SKA2: variants seen among roughly 807,000 people sequenced by gnomAD.
SKA2 encodes the protein spindle and kinetochore associated complex subunit 2, also known as spindle and kinetochore-associated protein 2.
SKA2 carries 13 observed loss-of-function variants against 16.9 expected under a neutral mutation model. That is an observed-to-expected ratio of 0.77 (90% CI 0.50 to 1.22). The LOEUF is 1.22. Ranked by LOEUF, SKA2 falls within the 50% of genes most tolerant of loss-of-function variation. The probability of loss-of-function intolerance (pLI) is 0.00; values close to 1 mark genes in which losing one functional copy is unlikely to be tolerated. For missense variants in SKA2, 107 were observed against 139.7 expected, an observed-to-expected ratio of 0.77 and a Z score of 1.18; for synonymous variants, 47 against 48.5, an observed-to-expected ratio of 0.97 and a Z score of 0.13.
intron 1 of SKA2, among the ~76,000 whole-genome samples, chr17:59,140,154 TG>T (rs1180360265): frequency 6.6e-6 from 1 of 151,880 alleles, no homozygotes; most frequent in Non-Finnish European, 1.5e-5. Flanking sequence ...GTCACAGACA[TG>T]TTATTTCAGG....
chr17:59,127,385 A>ATTTCTTTTCT (rs576003827), intron 2 of SKA2, among the ~76,000 whole-genome samples: 32 of 152,052 alleles, frequency 2.1e-4, no homozygotes, highest in African/African-American at 7.7e-4. Context: ...TTTTACTACA[A>ATTTCTTTTCT]TTTCTTTTCT....
intron 1 of SKA2, among the ~76,000 whole-genome samples, chr17:59,147,377 GACACACACACACACACACACAC>G (rs57098353): frequency 7.2e-6 from 1 of 138,134 alleles, no homozygotes; most frequent in African/African-American, 2.7e-5. Flanking sequence ...TTATATATAA[GACACACACACACACACACACAC>G]ACACACACAC....
At chr17:59,120,125 G>A (rs766492332) in intron 2 of SKA2, among the ~76,000 whole-genome samples, 29 of 152,126 alleles carry the variant, frequency 1.9e-4, no homozygotes, top group Admixed American at 3.9e-4. Context: ...AGCAAGGATG[G>A]TCTCAATCTC....
rs34191476 is a variant in SKA2, at chr17:59,110,788, C to CAAAAAAAA, written c.*1481_*1488dup. On this transcript the variant is annotated 3_prime_UTR_variant, in exon 4 of 4. Transcript: ENST00000330137. ...TGGGCAACAGAGTGAGACTCCGTCT[C>CAAAAAAAA]AAAAAAAAAAAAAAAAAAAAAAAGG... The CAAAAAAAA allele has an allele frequency of 1.9e-5, 1 of 53,596 alleles. No homozygotes were observed. The highest frequency in any genetic ancestry group is 3.4e-5 in the Non-Finnish European group (1 of 29,648). The allele number at this position is 53,596 out of a possible 1,614,324, so 3.3% of individuals were successfully genotyped here.
At chr17:59,132,286 G>A (rs1029531892) in intron 1 of SKA2, among the ~76,000 whole-genome samples, 19 of 151,922 alleles carry the variant, frequency 1.3e-4, no homozygotes, top group Non-Finnish European at 1.5e-5. Context: ...AACCCCGGAG[G>A]TGGAGGCTGC....
chr17:59,128,413 T>A (rs539954247), intron 2 of SKA2, among the ~76,000 whole-genome samples: 7 of 151,854 alleles, frequency 4.6e-5, no homozygotes, highest in African/African-American at 1.7e-4. Context: ...TCACCTGACG[T>A]CAGGAGTTCA....
At chr17:59,149,929 C>T (rs1057361831) in intron 1 of SKA2, among the ~76,000 whole-genome samples, 1 of 152,196 alleles carries the variant, frequency 6.6e-6, no homozygotes, top group Non-Finnish European at 1.5e-5. Flanking sequence ...CTCTGTTGCT[C>T]AGCCTGGTCT....
At chr17:59,152,077 A>T in intron 1 of SKA2, among the ~76,000 whole-genome samples, 1 of 152,220 alleles carries the variant, frequency 6.6e-6, no homozygotes, top group East Asian at 1.9e-4. Context: ...CAGAAGTCAG[A>T]TGTAAACCCA....
At chr17:59,121,845 G>A (rs1198351942) in intron 2 of SKA2, among the ~76,000 whole-genome samples, 4 of 146,030 alleles carry the variant, frequency 2.7e-5, no homozygotes, top group East Asian at 2.0e-4. Context: ...GTCGGCATGC[G>A]CCTGTAGTCC....
intron 1 of SKA2, 144 bp from the exon 2 acceptor site, chr17:59,131,511 A>G (rs2046411663): frequency 2.0e-6 from 1 of 506,252 alleles, no homozygotes; most frequent in South Asian, 5.3e-5. Flanking sequence ...AAAAGTATAT[A>G]AAATATCCAT....
intron 1 of SKA2, among the ~76,000 whole-genome samples, chr17:59,137,030 T>G (rs2046450663): frequency 6.6e-6 from 1 of 152,170 alleles, no homozygotes; most frequent in Non-Finnish European, 1.5e-5. Context: ...TTTTTCTTTT[T>G]GAGACAGGGT....
intron 1 of SKA2, among the ~76,000 whole-genome samples, chr17:59,135,454 T>C (rs2147809811): frequency 6.6e-6 from 1 of 151,836 alleles, no homozygotes; most frequent in Non-Finnish European, 1.5e-5. Context: ...TAGCTGGGAT[T>C]ACAGGCACCC....
chr17:59,147,431 T>C (rs2046542513), intron 1 of SKA2, among the ~76,000 whole-genome samples: 1 of 144,036 alleles, frequency 6.9e-6, no homozygotes. Flanking sequence ...AAAATGGCTT[T>C]ATGATGAGGA....
rs185717543 is a variant in SKA2 at position 59,130,772 on chromosome 17, T to C, written c.120+509A>G. On this transcript the variant is annotated intron_variant, in intron 2 of 3. Coordinates refer to ENST00000330137, the MANE Select transcript of SKA2 (RefSeq NM_182620.4). ...TTACTTTCACCCCCATGAACATGTA[T>C]GTATACTTACACTTAATGATTTTAT... is the stretch of plus-strand genomic sequence containing the variant. Among the ~76,000 whole-genome samples, 14 of 152,316 alleles carry C rather than the reference T, an allele frequency of 9.2e-5. No homozygotes were observed. In the East Asian group the frequency reaches 2.3e-3, roughly 25 times the overall value.
intron 3 of SKA2, among the ~76,000 whole-genome samples, chr17:59,117,758 C>T (rs1463186272): frequency 6.6e-6 from 1 of 152,054 alleles, no homozygotes; most frequent in Admixed American, 6.6e-5. Flanking sequence ...AGGTACAAGA[C>T]TCACTATATC....
chr17:59,119,622 T>C (rs2147796233), intron 2 of SKA2, 127 bp from the exon 3 acceptor site: 6 of 810,634 alleles, frequency 7.4e-6, no homozygotes, highest in East Asian at 2.7e-5. Flanking sequence ...TATTTAATTA[T>C]GCAGCCACAT....
rs1568298164 is a variant in SKA2 at position 59,110,805 on chromosome 17, A to AT, written c.*1471_*1472insA. 6.6e-6 allele frequency: 1 copy of AT among 152,340 alleles called. No homozygotes were observed. The highest frequency in any genetic ancestry group is 1.5e-5 in the Non-Finnish European group (1 of 68,438). The allele number at this position is 152,340 out of a possible 1,614,324, so 9.4% of individuals were successfully genotyped here. On this transcript the variant is annotated 3_prime_UTR_variant, in exon 4 of 4. Transcript: ENST00000330137. Reference sequence around the variant, plus strand: ...CTCCGTCTCAAAAAAAAAAAAAAAAAAAAAAAGGCTTTCTGTTCTTGAAAT... The same window carrying AT: ...CTCCGTCTCAAAAAAAAAAAAAAAAATAAAAAAGGCTTTCTGTTCTTGAAAT...
intron 1 of SKA2, among the ~76,000 whole-genome samples, chr17:59,133,124 A>G (rs887050664): frequency 1.3e-5 from 2 of 152,194 alleles, no homozygotes; most frequent in Non-Finnish European, 2.9e-5. Context: ...CTACAGGCAC[A>G]TGCCATGGCA....
At chr17:59,133,815 A>G (rs2046426057) in intron 1 of SKA2, among the ~76,000 whole-genome samples, 1 of 152,154 alleles carries the variant, frequency 6.6e-6, no homozygotes, top group Non-Finnish European at 1.5e-5. Context: ...CTTTATAGCC[A>G]AAACTTGGGG....
Sources: gnomAD v4.1 joint callset for allele counts (sites outside exome capture counted in the v4.1 genomes callset) on GRCh38, gnomAD v4.1.1 for gene constraint, MANE v1.5 for transcripts, NCBI Gene and HGNC (gene_info 2026-07-23, HGNC 2026-07-21) for gene names.